Variants in DNAH11 observed in about 807,000 individuals in gnomAD.
DNAH11 encodes the protein dynein axonemal heavy chain 11.
In DNAH11, 442 loss-of-function variants were observed where a neutral mutation model predicts 526.0. That is an observed-to-expected ratio of 0.84 (90% CI 0.78 to 0.91). DNAH11 has a LOEUF of 0.91. DNAH11 is among the 40% of genes least tolerant of loss of function. DNAH11 has a pLI of 0.00. For synonymous variants in DNAH11, 2,461 were observed against 1,935.9 expected, an observed-to-expected ratio of 1.27 and a Z score of -7.12; for missense variants, 6,989 against 5,448.7, an observed-to-expected ratio of 1.28 and a Z score of -8.90.
At position 21,600,857 on chromosome 7, in the gene DNAH11, C is replaced by A. The variant is rs367665090; in HGVS notation, c.3182C>A (p.Ser1061Tyr). ...HFLLYGHAVS[S>Y]DEMDAHANEE... ...CTCTTGTATGGCCATGCTGTGTCTT[C>A]CGATGAAATGGATGCTCATGCAAAT... The change falls in exon 16 of 82, where the codon TCC becomes TAC. Residue 1061 changes from serine (S) to tyrosine (Y), a missense_variant. Coordinates refer to ENST00000409508, the MANE Select transcript of DNAH11 (RefSeq NM_001277115.2). 2.3e-5 allele frequency: 37 copies of A among 1,613,918 alleles called. No individual in the cohort carries two copies. In the African/African-American group the frequency reaches 4.7e-4, roughly 20 times the overall value.
At chr7:21,748,280 T>C (rs931544717) in intron 51 of DNAH11, among the ~76,000 whole-genome samples, 6 of 152,072 alleles carry the variant, frequency 3.9e-5, no homozygotes, top group Non-Finnish European at 5.9e-5. Flanking sequence ...GATCAGGAGT[T>C]CAAGACCAGC....
intron 12 of DNAH11, 73 bp from the exon 13 acceptor site, chr7:21,590,845 C>T: frequency 1.1e-6 from 1 of 917,122 alleles, no homozygotes. Flanking sequence ...TTAAGTATTT[C>T]AAGTTAAACT....
chr7:21,617,489 G>C, intron 22 of DNAH11, 130 bp from the exon 23 acceptor site: 4 of 1,097,656 alleles, frequency 3.6e-6, no homozygotes, highest in Non-Finnish European at 5.2e-6. Context: ...TTGCTCCTTG[G>C]TCTAGGAGTT....
intron 44 of DNAH11, among the ~76,000 whole-genome samples, chr7:21,721,533 A>T (rs1022680488): frequency 2.0e-5 from 3 of 152,180 alleles, no homozygotes; most frequent in African/African-American, 7.2e-5. Flanking sequence ...TGGTGTCAGC[A>T]TGGTTGAGTT....
At chr7:21,830,123 T>G (rs957726806) in intron 65 of DNAH11, among the ~76,000 whole-genome samples, 2 of 152,214 alleles carry the variant, frequency 1.3e-5, no homozygotes, top group African/African-American at 4.8e-5. Flanking sequence ...AAGGTTAATT[T>G]ATAGATGATA....
rs556121453 is a variant in DNAH11, at chr7:21,824,347, G to A, written c.10691+6008G>A. ...AATTCTGCCTCCACTTCCAAAGGTA[G>A]CCAATGTTCACATATTGGAATGATG... On this transcript the variant is annotated intron_variant, in intron 65 of 81. Transcript: ENST00000409508. Among the ~76,000 whole-genome samples the A allele has an allele frequency of 2.0e-5, 3 of 152,178 alleles. No individual in the cohort carries two copies. The East Asian group carries it at 5.8e-4, about 29-fold the overall frequency.
chr7:21,600,216 T>C, intron 15 of DNAH11, 97 bp downstream of exon 15: 1 of 1,126,430 alleles, frequency 8.9e-7, no homozygotes, highest in Non-Finnish European at 1.2e-6. Flanking sequence ...TCCCAGAACT[T>C]TGGGAGGCTG....
chr7:21,789,866 C>CCTTTTCTTT (rs1788395665), intron 61 of DNAH11, among the ~76,000 whole-genome samples: 1 of 74,870 alleles, frequency 1.3e-5, no homozygotes, highest in African/African-American at 4.7e-5. Context: ...CTCCTTCCTT[C>CCTTTTCTTT]CTTTTCTTTC....
intron 46 of DNAH11, among the ~76,000 whole-genome samples, chr7:21,737,739 A>G (rs1785679693): frequency 6.6e-6 from 1 of 152,184 alleles, no homozygotes; most frequent in Non-Finnish European, 1.5e-5. Context: ...CTGACTGGGC[A>G]TGTTAACCCC....
chr7:21,700,013 T>C (rs1319736332), intron 36 of DNAH11, among the ~76,000 whole-genome samples: 1 of 152,192 alleles, frequency 6.6e-6, no homozygotes, highest in Non-Finnish European at 1.5e-5. Context: ...GGAACCAATA[T>C]TTATTGAATG....
chr7:21,560,936 C>A, intron 4 of DNAH11, 135 bp from the exon 5 acceptor site: 2 of 614,254 alleles, frequency 3.3e-6, no homozygotes, highest in South Asian at 2.2e-5. Flanking sequence ...CAACTGGAAA[C>A]CAGATATAAC....
intron 65 of DNAH11, among the ~76,000 whole-genome samples, chr7:21,834,875 AAAC>A (rs1454488586): frequency 6.6e-6 from 1 of 151,694 alleles, no homozygotes; most frequent in Non-Finnish European, 1.5e-5. Context: ...CAAATAACAC[AAAC>A]AAGATCAGCA....
At chr7:21,654,336 C>T (rs80119573) in intron 28 of DNAH11, among the ~76,000 whole-genome samples, 3,478 of 152,184 alleles carry the variant, frequency 0.023, 115 homozygotes, top group African/African-American at 0.08. Context: ...ATACAAGATA[C>T]GACGTGTGGT....
chr7:21,587,403 C>T (rs1401737062), intron 9 of DNAH11, among the ~76,000 whole-genome samples: 3 of 152,126 alleles, frequency 2.0e-5, no homozygotes, highest in Non-Finnish European at 2.9e-5. Flanking sequence ...CTAGTAGTTT[C>T]TGCTCACTGA....
At chr7:21,832,839 A>T (rs1360857171) in intron 65 of DNAH11, among the ~76,000 whole-genome samples, 1 of 152,212 alleles carries the variant, frequency 6.6e-6, no homozygotes, top group Non-Finnish European at 1.5e-5. Flanking sequence ...GTGACGCACA[A>T]AGCCTAAAAT....
Position 21,603,006 on chromosome 7 carries a change from AT to A in DNAH11, c.3648+1389del, listed in dbSNP as rs528631943. Among the ~76,000 whole-genome samples the A allele has an allele frequency of 1.2e-4, 19 of 152,256 alleles. No homozygotes were observed. In the South Asian group the frequency reaches 3.7e-3, roughly 30 times the overall value. On this transcript the variant is annotated intron_variant, in intron 18 of 81. Transcript: ENST00000409508. ...AATTTTCATCACTCCCAGAAATCCC[AT>A]ACCACTTCTCTGTCTCTCCCCATTA... is the stretch of plus-strand genomic sequence containing the variant.
rs373994337 is a variant in DNAH11, at chr7:21,592,031, C to T, written c.2667+454C>T. 1.9e-3 allele frequency among the ~76,000 whole-genome samples: 296 copies of T among 152,106 alleles called. 12 individuals are homozygous for T. In the South Asian group the frequency reaches 0.06, roughly 31 times the overall value. On this transcript the variant is annotated intron_variant, in intron 14 of 81. Coordinates refer to ENST00000409508, the MANE Select transcript of DNAH11 (RefSeq NM_001277115.2). ...TCCTAAAACAGTAACAGGCACTCATCTAGGCTTGTGAATGCAAGAGAAAAC... is the reference window on the plus strand; with the variant it reads ...TCCTAAAACAGTAACAGGCACTCATTTAGGCTTGTGAATGCAAGAGAAAAC...
chr7:21,765,584 A>C lies in DNAH11; in HGVS notation c.9097A>C (p.Ile3033Leu). 6.9e-7 allele frequency: 1 copy of C among 1,458,526 alleles called. No individual in the cohort carries two copies. The highest frequency in any genetic ancestry group is 9.3e-7 in the Non-Finnish European group (1 of 1,070,136). The allele number at this position is 1,458,526 out of a possible 1,614,324, so 90.3% of individuals were successfully genotyped here. A position where few individuals can be genotyped will look rare whatever the true frequency, so the allele number is the denominator to read the frequency against. The change falls in exon 55 of 82, where the codon ATT becomes CTT. Residue 3033 changes from isoleucine to leucine, a missense_variant. Transcript: ENST00000409508. Reference protein sequence around the residue: ...SRRFIEETKGIEPVHKDSISL... With the variant: ...SRRFIEETKGLEPVHKDSISL... ...GAGGTTCATTGAGGAAACCAAGGGA[A>C]TTGAGGTATGCCGTGTCAGCCTGCG... is the stretch of plus-strand genomic sequence containing the variant.
At chr7:21,889,355 T>C (rs2128046150) in intron 76 of DNAH11, among the ~76,000 whole-genome samples, 1 of 152,368 alleles carries the variant, frequency 6.6e-6, no homozygotes, top group East Asian at 1.9e-4. Flanking sequence ...TGCTATGAAC[T>C]TTTATGTACA....
Sources: gnomAD v4.1 joint callset for allele counts (sites outside exome capture counted in the v4.1 genomes callset) on GRCh38, gnomAD v4.1.1 for gene constraint, MANE v1.5 for transcripts, NCBI Gene and HGNC (gene_info 2026-07-23, HGNC 2026-07-21) for gene names.